Variants in PARD3B observed in about 807,000 individuals in gnomAD.
PARD3B encodes par-3 family cell polarity regulator beta.
In PARD3B, 103 loss-of-function variants were observed where a neutral mutation model predicts 130.2. The observed-to-expected ratio is 0.79, with a 90% confidence interval of 0.67 to 0.93. The LOEUF is 0.93. Ranked by LOEUF, PARD3B falls within the 40% of genes least tolerant of loss-of-function variation. PARD3B has a pLI of 0.00. For missense variants in PARD3B, 1,609 were observed against 1,499.2 expected (o/e 1.07, Z -1.21); for synonymous variants, 583 against 553.2 (o/e 1.05, Z -0.76).
chr2:205,086,329 G>C (rs1431606355), intron 4 of PARD3B, among the ~76,000 whole-genome samples: 1 of 152,164 alleles, frequency 6.6e-6, no homozygotes, highest in Non-Finnish European at 1.5e-5. Context: ...ATATTTATAT[G>C]ACAGGAGCAT....
intron 10 of PARD3B, among the ~76,000 whole-genome samples, chr2:205,147,020 T>C (rs2125686492): frequency 6.6e-6 from 1 of 152,240 alleles, no homozygotes; most frequent in South Asian, 2.1e-4. Flanking sequence ...CTGGCCACAG[T>C]CATGTATTTT....
At chr2:205,314,782 C>T (rs1203223278) in intron 18 of PARD3B, among the ~76,000 whole-genome samples, 1 of 152,138 alleles carries the variant, frequency 6.6e-6, no homozygotes, top group Non-Finnish European at 1.5e-5. Context: ...CCTGCCACAA[C>T]CTCAGCTTCA....
At chr2:205,098,499 C>T (rs1448510225) in intron 4 of PARD3B, among the ~76,000 whole-genome samples, 5 of 152,084 alleles carry the variant, frequency 3.3e-5, no homozygotes, top group African/African-American at 1.2e-4. Context: ...CATTTTGTAG[C>T]GACACTAGAC....
At chr2:204,992,000 G>T (rs1255504530) in intron 3 of PARD3B, among the ~76,000 whole-genome samples, 6 of 151,934 alleles carry the variant, frequency 3.9e-5, no homozygotes, top group Non-Finnish European at 7.4e-5. Flanking sequence ...TGAGTAGGTT[G>T]CAAAAATTTT....
chr2:205,499,195 G>C (rs2050061206), intron 20 of PARD3B, among the ~76,000 whole-genome samples: 1 of 152,024 alleles, frequency 6.6e-6, no homozygotes, highest in Non-Finnish European at 1.5e-5. Context: ...TAGCTGAGCA[G>C]TTTGGGGTTG....
intron 22 of PARD3B, among the ~76,000 whole-genome samples, chr2:205,581,966 G>A (rs150418330): frequency 6.6e-6 from 1 of 152,242 alleles, no homozygotes; most frequent in East Asian, 1.9e-4. Flanking sequence ...TGGTCCTGCT[G>A]TCTTCATTTC....
chr2:204,908,471 C>A (rs1046281779), intron 2 of PARD3B, among the ~76,000 whole-genome samples: 1 of 152,044 alleles, frequency 6.6e-6, no homozygotes, highest in African/African-American at 2.4e-5. Context: ...ACTCTTCTAC[C>A]AACTGGGAAT....
intron 3 of PARD3B, among the ~76,000 whole-genome samples, chr2:204,994,834 A>G (rs1164241926): frequency 6.6e-6 from 1 of 151,182 alleles, no homozygotes; most frequent in Non-Finnish European, 1.5e-5. Context: ...CCATTATGTA[A>G]TGGCCTTCTT....
In PARD3B at chr2:205,461,166, A is replaced by G. The variant is rs187054171; in HGVS notation, c.3044+20494A>G. The stretch of plus-strand genomic sequence containing the variant: ...AACATATTTGACACTGTGGAGGATC[A>G]AGAAAGAAGTCACTGAGAAAGCGAC... On this transcript the variant is annotated intron_variant, in intron 20 of 22. Transcript: ENST00000406610. This position sits in a 1 kb window ranked among gnomAD's most constrained non-coding sequence, Gnocchi z 4.3. Among the ~76,000 whole-genome samples, 2,185 of 152,336 alleles carry G rather than the reference A, an allele frequency of 0.014. 21 individuals are homozygous for G. The highest frequency in any genetic ancestry group is 0.023 in the Non-Finnish European group (1,559 of 68,018).
At position 205,530,789 on chromosome 2, in the gene PARD3B, C is replaced by T. The variant is rs537507688; in HGVS notation, c.3181-22535C>T. On this transcript the variant is annotated intron_variant, in intron 21 of 22. Coordinates refer to ENST00000406610, the MANE Select transcript of PARD3B (RefSeq NM_001302769.2). This position sits in a 1 kb window ranked among gnomAD's most constrained non-coding sequence, Gnocchi z 4.7. ...TTCCTGGATTGGCCACACAGATACTCATGCTGGACGATTCAAGAAGATGAA... is the reference window on the plus strand; with the variant it reads ...TTCCTGGATTGGCCACACAGATACTTATGCTGGACGATTCAAGAAGATGAA... Among the ~76,000 whole-genome samples the T allele has an allele frequency of 1.3e-5, 2 of 152,306 alleles. No individual in the cohort carries two copies. Among genetic ancestry groups the T allele is most frequent in the East Asian group, 3.9e-4 (2 of 5,178 alleles).
At chr2:204,684,291 T>C (rs1359999609) in intron 1 of PARD3B, among the ~76,000 whole-genome samples, 1 of 152,182 alleles carries the variant, frequency 6.6e-6, no homozygotes, top group Non-Finnish European at 1.5e-5. Flanking sequence ...AAGAAAACTC[T>C]TTAGAATACA....
At chr2:205,464,858 C>G (rs2106237666) in intron 20 of PARD3B, among the ~76,000 whole-genome samples, 1 of 152,244 alleles carries the variant, frequency 6.6e-6, no homozygotes, top group South Asian at 2.1e-4. Context: ...ATTTCCTCTT[C>G]TCTACCCTTC....
intron 15 of PARD3B, among the ~76,000 whole-genome samples, chr2:205,223,345 T>A (rs1226829258): frequency 6.6e-6 from 1 of 152,096 alleles, no homozygotes; most frequent in Non-Finnish European, 1.5e-5. Flanking sequence ...GGATGAATGT[T>A]GATGTGGTAA....
At chr2:204,605,396 C>T (rs1050705889) in intron 1 of PARD3B, among the ~76,000 whole-genome samples, 2 of 152,172 alleles carry the variant, frequency 1.3e-5, no homozygotes, top group African/African-American at 4.8e-5. Flanking sequence ...CATTGTCTTT[C>T]ACCTGATTAG....
In PARD3B at chr2:205,039,740, G is replaced by C. The variant is rs143885751; in HGVS notation, c.395-7841G>C. ...CTGCCTTGGTTTCCCAAAGTGTTGG[G>C]ATTACTGGCGTGAGCCACCACACTC... is the stretch of plus-strand genomic sequence containing the variant. On this transcript the variant is annotated intron_variant, in intron 3 of 22. Coordinates refer to ENST00000406610, the MANE Select transcript of PARD3B (RefSeq NM_001302769.2). Among the ~76,000 whole-genome samples the C allele has an allele frequency of 5.8e-3, 889 of 152,152 alleles. 10 individuals carry two copies. The highest frequency in any genetic ancestry group is 0.021 in the African/African-American group (854 of 41,522).
intron 2 of PARD3B, among the ~76,000 whole-genome samples, chr2:204,952,984 G>A (rs565785526): frequency 4.4e-5 from 6 of 135,866 alleles, no homozygotes; most frequent in East Asian, 2.3e-4. Flanking sequence ...GCGACAGTGC[G>A]AGACTCAGTC....
intron 18 of PARD3B, among the ~76,000 whole-genome samples, chr2:205,302,361 A>G (rs1451868357): frequency 1.3e-5 from 2 of 149,936 alleles, no homozygotes; most frequent in Admixed American, 6.6e-5. Context: ...AGGAGACCCT[A>G]TTTCTAAGAA....
chr2:204,597,758 C>T (rs2033357536), intron 1 of PARD3B, among the ~76,000 whole-genome samples: 1 of 152,152 alleles, frequency 6.6e-6, no homozygotes, highest in Non-Finnish European at 1.5e-5. Context: ...AATGGAAATA[C>T]TCCAAGTCAG....
intron 1 of PARD3B, among the ~76,000 whole-genome samples, chr2:204,547,364 T>A (rs1057000120): frequency 6.6e-6 from 1 of 152,132 alleles, no homozygotes; most frequent in Non-Finnish European, 1.5e-5. Context: ...TCTATTAATA[T>A]ATTAAATATA....
Sources: allele counts gnomAD v4.1 joint callset (sites outside exome capture counted in the v4.1 genomes callset), GRCh38; gene constraint gnomAD v4.1.1; non-coding constraint Gnocchi (gnomAD v3.1); transcripts MANE v1.5; gene names NCBI Gene and HGNC (gene_info 2026-07-23, HGNC 2026-07-21).